The following ZNF91 variants were observed in gnomAD, a reference collection of about 807,000 sequenced individuals.
ZNF91 encodes zinc finger protein 91.
ZNF91 carries 7 observed loss-of-function variants against 12.6 expected under a neutral mutation model. That is an observed-to-expected ratio of 0.55 (90% confidence interval 0.31 to 1.04). The LOEUF is 1.04. ZNF91 is among the 50% of genes least tolerant of loss of function. ZNF91 has a pLI of 0.05. For missense variants in ZNF91, 1,217 were observed against 1,385.4 expected (o/e 0.88, Z 1.93); for synonymous variants, 453 against 462.6 (o/e 0.98, Z 0.27).
chr19:23,319,358 G>A (rs1165157965), intron 1 of ZNF91, among the ~76,000 whole-genome samples: 1 of 152,146 alleles, frequency 6.6e-6, no homozygotes, highest in Non-Finnish European at 1.5e-5. Context: ...ATACCTTTTT[G>A]TTTATCACCT....
In ZNF91 at chr19:23,360,679, T is replaced by C; in HGVS notation, c.2300A>G (p.Glu767Gly). ...LTKHKRIHTR[E>G]KPFKCKECGK... ...ACATTCTTTACATTTGAAGGGTTTC[T>C]CTCTAGTATGAATTCTTTTATGTTT... The change falls in exon 4 of 4, where the codon GAG (glutamate) becomes GGG (glycine). Residue 767 changes from glutamate (E) to glycine (G), a missense_variant. Glu to Gly is a moderately conservative substitution (Grantham distance 98, BLOSUM62 -2). This residue lies in a region of ZNF91 where 726 missense variants were observed against 895.5 expected (regional missense o/e 0.81). Coordinates refer to ENST00000300619, the MANE Select transcript of ZNF91 (RefSeq NM_003430.4). 1.2e-6 allele frequency: 2 copies of C among 1,613,978 alleles called. No individual in the cohort carries two copies. The highest frequency in any genetic ancestry group is 8.5e-7 in the Non-Finnish European group (1 of 1,179,920).
intron 3 of ZNF91, among the ~76,000 whole-genome samples, chr19:23,368,129 C>T (rs887199277): frequency 4.6e-5 from 7 of 151,906 alleles, no homozygotes; most frequent in African/African-American, 7.2e-5. Flanking sequence ...AGGCTGGTCT[C>T]GAAATCTTGA....
At chr19:23,316,911 G>A (rs182005731) in intron 1 of ZNF91, among the ~76,000 whole-genome samples, 1 of 152,262 alleles carries the variant, frequency 6.6e-6, no homozygotes, top group Admixed American at 6.5e-5. Context: ...CTTACACGTG[G>A]ACAGAGCCCA....
At chr19:23,347,001 C>A (rs1386759852) in intron 3 of ZNF91, among the ~76,000 whole-genome samples, 1 of 152,104 alleles carries the variant, frequency 6.6e-6, no homozygotes, top group East Asian at 1.9e-4. Flanking sequence ...CTTTCTTATA[C>A]CTTTTCCAAA....
At chr19:23,328,552 A>G (rs932329941) in intron 1 of ZNF91, 3 of 152,306 alleles carry the variant, frequency 2.0e-5, no homozygotes, top group South Asian at 2.1e-4. Flanking sequence ...AGATTGTAAG[A>G]ACTCTGGAAA....
chr19:23,373,713 T>A, intron 3 of ZNF91, 29 bp downstream of exon 3: 1 of 1,569,366 alleles, frequency 6.4e-7, no homozygotes, highest in South Asian at 1.1e-5. Context: ...CTCTCATCCT[T>A]GTCGTCTGTT....
At chr19:23,356,148 T>A (rs1056823142), downstream of ZNF91, among the ~76,000 whole-genome samples, 1 of 152,084 alleles carries the variant, frequency 6.6e-6, no homozygotes, top group Non-Finnish European at 1.5e-5. Flanking sequence ...TAGCATTTGA[T>A]CCAGCAATCC....
chr19:23,331,720 G>A (rs1343365532), intron 1 of ZNF91, among the ~76,000 whole-genome samples: 2 of 152,212 alleles, frequency 1.3e-5, no homozygotes, highest in East Asian at 3.8e-4. Flanking sequence ...GCACTGGAGA[G>A]TGGATAGTGT....
intron 3 of ZNF91, among the ~76,000 whole-genome samples, chr19:23,344,812 A>G (rs1968189065): frequency 6.6e-6 from 1 of 152,216 alleles, no homozygotes; most frequent in Admixed American, 6.5e-5. Context: ...AGCCCCTTGC[A>G]CCAGCAGCGT....
chr19:23,306,190 C>T (rs948173807), intron 3 of ZNF91, among the ~76,000 whole-genome samples: 4 of 152,184 alleles, frequency 2.6e-5, no homozygotes, highest in African/African-American at 9.7e-5. Flanking sequence ...TGGATCAAGT[C>T]AATTGTTGAG....
At chr19:23,328,434 T>TA (rs1295546699) in intron 1 of ZNF91, 1 of 152,080 alleles carries the variant, frequency 6.6e-6, no homozygotes, top group Non-Finnish European at 1.5e-5. Context: ...GCCCTGAGGT[T>TA]GAAAAGGTGG....
intron 1 of ZNF91, among the ~76,000 whole-genome samples, chr19:23,383,059 G>C (rs1054400507): frequency 3.3e-5 from 5 of 152,070 alleles, no homozygotes; most frequent in African/African-American, 1.2e-4. Flanking sequence ...ATAAAATTCA[G>C]GCCAGTATCT....
At chr19:23,348,023 G>T (rs1968273283) in intron 3 of ZNF91, among the ~76,000 whole-genome samples, 1 of 152,064 alleles carries the variant, frequency 6.6e-6, no homozygotes, top group Non-Finnish European at 1.5e-5. Flanking sequence ...GTCCAATAAT[G>T]GGCCTGCCTT....
chr19:23,385,552 G>A (rs1568403110), intron 1 of ZNF91, among the ~76,000 whole-genome samples: 1 of 152,150 alleles, frequency 6.6e-6, no homozygotes, highest in African/African-American at 2.4e-5. Flanking sequence ...GTGATGTTTG[G>A]CTCAGATATT....
downstream of ZNF91, among the ~76,000 whole-genome samples, chr19:23,352,851 A>G (rs923501078): frequency 4.6e-5 from 7 of 152,256 alleles, no homozygotes; most frequent in African/African-American, 1.7e-4. Context: ...CAGTGATTAA[A>G]AGAGACAAAA....
chr19:23,330,320 G>A (rs1967907178), intron 1 of ZNF91, among the ~76,000 whole-genome samples: 1 of 149,966 alleles, frequency 6.7e-6, no homozygotes, highest in South Asian at 2.1e-4. Flanking sequence ...AGCAGAGCCA[G>A]ACTTCGTCTC....
At chr19:23,348,818 G>C (rs1968296133) in intron 3 of ZNF91, among the ~76,000 whole-genome samples, 1 of 152,166 alleles carries the variant, frequency 6.6e-6, no homozygotes, top group African/African-American at 2.4e-5. Context: ...ATGGACGTGT[G>C]AGTAGGATAA....
At chr19:23,376,163 A>T (rs1047584025) in intron 1 of ZNF91, among the ~76,000 whole-genome samples, 6 of 152,172 alleles carry the variant, frequency 3.9e-5, no homozygotes, top group African/African-American at 1.4e-4. Context: ...CCTCAACATT[A>T]TATGTTCTCC....
intron 3 of ZNF91, among the ~76,000 whole-genome samples, chr19:23,347,125 C>T (rs945338483): frequency 6.6e-6 from 1 of 152,026 alleles, no homozygotes; most frequent in Non-Finnish European, 1.5e-5. Context: ...CCCCCCTACA[C>T]ACTGTTCAAG....
Sources: allele counts gnomAD v4.1 joint callset (sites outside exome capture counted in the v4.1 genomes callset), GRCh38; gene constraint gnomAD v4.1.1; regional missense constraint gnomAD v4.1.1; transcripts MANE v1.5; gene names NCBI Gene and HGNC (gene_info 2026-07-23, HGNC 2026-07-21).